PIP5K1B: variants seen among roughly 807,000 people sequenced by gnomAD.
The protein encoded by PIP5K1B is phosphatidylinositol-4-phosphate 5-kinase type 1 beta.
A neutral mutation model predicts 67.0 loss-of-function variants in PIP5K1B; 42 were observed. The observed-to-expected ratio is 0.63, with a 90% CI of 0.49 to 0.81. The LOEUF is 0.81. Among genes scored for constraint, PIP5K1B ranks in the 30% least tolerant of loss-of-function variants. The pLI is 0.00. For missense variants in PIP5K1B, 459 were observed against 646.3 expected (o/e 0.71, Z 3.14); for synonymous variants, 214 against 231.4 (o/e 0.92, Z 0.68).
intron 4 of PIP5K1B, among the ~76,000 whole-genome samples, chr9:68,857,502 A>G (rs182583649): frequency 6.6e-6 from 1 of 152,250 alleles, no homozygotes; most frequent in African/African-American, 2.4e-5. Flanking sequence ...TAAGTGGACT[A>G]TGACTTGTTT....
chr9:68,910,181 AT>A (rs775094019), intron 8 of PIP5K1B, among the ~76,000 whole-genome samples: 19 of 152,222 alleles, frequency 1.2e-4, no homozygotes, highest in Non-Finnish European at 1.8e-4. Flanking sequence ...GCTCAGCCTA[AT>A]TTATAGCAAA....
At chr9:68,878,583 C>T (rs1824016407) in intron 6 of PIP5K1B, among the ~76,000 whole-genome samples, 1 of 152,186 alleles carries the variant, frequency 6.6e-6, no homozygotes, top group East Asian at 1.9e-4. Flanking sequence ...AATCAGTGGA[C>T]ACTTTGAACA....
intron 14 of PIP5K1B, chr9:68,963,206 A>G (rs1327295252): frequency 6.6e-6 from 3 of 456,222 alleles, no homozygotes; most frequent in South Asian, 3.1e-5. Context: ...ACATCAGAGC[A>G]TTAAACTAAG....
intron 4 of PIP5K1B, among the ~76,000 whole-genome samples, chr9:68,860,208 A>G (rs1407536083): frequency 2.0e-5 from 3 of 151,966 alleles, no homozygotes; most frequent in Non-Finnish European, 4.4e-5. Context: ...CCAGCCCCCA[A>G]CCAGCCCCTG....
intron 14 of PIP5K1B, among the ~76,000 whole-genome samples, chr9:68,950,784 C>G (rs1297471826): frequency 6.6e-6 from 1 of 152,214 alleles, no homozygotes; most frequent in African/African-American, 2.4e-5. Context: ...AAGTTGGTCC[C>G]GACATCCTCT....
At chr9:68,892,146 A>G (rs1052994043) in intron 7 of PIP5K1B, among the ~76,000 whole-genome samples, 4 of 152,222 alleles carry the variant, frequency 2.6e-5, no homozygotes, top group African/African-American at 9.6e-5. Context: ...TATTGTAAAG[A>G]TTTCAACTGC....
intron 2 of PIP5K1B, among the ~76,000 whole-genome samples, chr9:68,785,172 A>T (rs1056852139): frequency 6.6e-6 from 1 of 152,212 alleles, no homozygotes; most frequent in Non-Finnish European, 1.5e-5. Context: ...GGTAAAGCCC[A>T]GTGTGTGAAG....
chr9:69,006,020 C>T (rs952226566), intron 15 of PIP5K1B, among the ~76,000 whole-genome samples: 5 of 152,154 alleles, frequency 3.3e-5, no homozygotes, highest in African/African-American at 1.2e-4. Context: ...GCTGGGACCA[C>T]AGGCACATGC....
intron 2 of PIP5K1B, among the ~76,000 whole-genome samples, chr9:68,752,778 A>G (rs1378588549): frequency 1.3e-5 from 2 of 152,056 alleles, no homozygotes; most frequent in Non-Finnish European, 2.9e-5. Context: ...TTAATTTACA[A>G]AAACTCTTTA....
intron 6 of PIP5K1B, among the ~76,000 whole-genome samples, chr9:68,887,423 T>C (rs1824533185): frequency 6.6e-6 from 1 of 152,138 alleles, no homozygotes; most frequent in African/African-American, 2.4e-5. Context: ...GAAGTTAGTC[T>C]CTGTGGCTAG....
At chr9:68,728,510 G>A (rs565081767) in intron 1 of PIP5K1B, among the ~76,000 whole-genome samples, 2 of 152,140 alleles carry the variant, frequency 1.3e-5, no homozygotes, top group South Asian at 2.1e-4. Flanking sequence ...GGGGAGGGGG[G>A]CACAAACATT....
intron 14 of PIP5K1B, among the ~76,000 whole-genome samples, chr9:68,949,029 TTATG>T (rs1827932827): frequency 6.6e-6 from 1 of 152,208 alleles, no homozygotes; most frequent in Non-Finnish European, 1.5e-5. Context: ...TCGATTTAGT[TTATG>T]GATAAATCAT....
chr9:68,962,459 C>G (rs538330257), intron 14 of PIP5K1B, among the ~76,000 whole-genome samples: 134 of 152,260 alleles, frequency 8.8e-4, no homozygotes, highest in Admixed American at 6.5e-4. Context: ...GCATTTCTTT[C>G]CCTTTGCAAA....
chr9:68,845,535 G>A (rs987068215), intron 4 of PIP5K1B, among the ~76,000 whole-genome samples: 4 of 152,182 alleles, frequency 2.6e-5, no homozygotes, highest in African/African-American at 9.7e-5. Context: ...TAATTTTAAA[G>A]GTTATGAGGA....
At chr9:68,801,972 A>G (rs1047738775) in intron 2 of PIP5K1B, among the ~76,000 whole-genome samples, 10 of 152,240 alleles carry the variant, frequency 6.6e-5, no homozygotes, top group Admixed American at 6.5e-4. Flanking sequence ...ACCCCACCAG[A>G]TAAATAATGG....
intron 14 of PIP5K1B, chr9:68,966,684 G>A (rs1239367738): frequency 6.6e-6 from 1 of 152,158 alleles, no homozygotes; most frequent in African/African-American, 2.4e-5. Flanking sequence ...CTCTGGAACG[G>A]AAAAAGGCAT....
intron 8 of PIP5K1B, among the ~76,000 whole-genome samples, chr9:68,914,391 T>A (rs567984081): frequency 6.6e-6 from 1 of 152,138 alleles, no homozygotes; most frequent in Non-Finnish European, 1.5e-5. Context: ...TGCTTTGGGC[T>A]GTGCAGGGCA....
At chr9:68,876,969 G>A (rs1420440131) in intron 6 of PIP5K1B, among the ~76,000 whole-genome samples, 175 bp downstream of exon 6, 1 of 152,158 alleles carries the variant, frequency 6.6e-6, no homozygotes, top group Non-Finnish European at 1.5e-5. Flanking sequence ...ATGTGACTTT[G>A]TAGCTTTTAC....
rs5898051 is a variant in PIP5K1B at position 68,920,359 on chromosome 9, C to CTTTTTTTTTTTTTTTTT, written c.1116+640_1116+656dup. Among the ~76,000 whole-genome samples the CTTTTTTTTTTTTTTTTT allele has an allele frequency of 2.0e-3, 196 of 98,370 alleles. 67 individuals carry two copies. Among genetic ancestry groups the CTTTTTTTTTTTTTTTTT allele is most frequent in the African/African-American group, 6.5e-3 (180 of 27,488 alleles). The allele number at this position is 98,370 out of a possible 152,430, so 64.5% of individuals were successfully genotyped here. ...ATACATGCTGGCTGCCTGAGGTTGT[C>CTTTTTTTTTTTTTTTTT]TTTTTTTTTTTTTTTTTTTTTTTTT... On this transcript the variant is annotated intron_variant, in intron 11 of 15. Transcript: ENST00000265382.
Sources: allele counts gnomAD v4.1 joint callset (sites outside exome capture counted in the v4.1 genomes callset), GRCh38; gene constraint gnomAD v4.1.1; transcripts MANE v1.5; gene names NCBI Gene and HGNC (gene_info 2026-07-23, HGNC 2026-07-21).